The following PHYKPL variants were observed in gnomAD, a reference collection of about 807,000 sequenced individuals.
PHYKPL encodes the protein 5-phosphonooxy-L-lysine phospho-lyase.
Under a neutral mutation model 51.3 loss-of-function variants are expected in PHYKPL, and 42 were observed. The ratio of observed to expected loss-of-function variants is 0.82; its 90% CI spans 0.64 to 1.06. PHYKPL has a LOEUF of 1.06. Ranked by LOEUF, PHYKPL falls within the 50% of genes least tolerant of loss-of-function variation. The pLI, the probability that PHYKPL is intolerant of heterozygous loss-of-function variation, is 0.00. For synonymous variants in PHYKPL, 264 were observed against 236.0 expected (o/e 1.12, Z -1.09); for missense variants, 655 against 586.6 (o/e 1.12, Z -1.20).
rs1403213202 is a variant in PHYKPL at position 178,211,917 on chromosome 5, T to G, written c.*4A>C. On this transcript the variant is annotated 3_prime_UTR_variant, in exon 12 of 13. Transcript: ENST00000308158. ...GGAGTACACTTAGGCAGAGCAGGGC[T>G]GGCTTAGGGCTGGAGCCTCAGCGTT... The G allele has an allele frequency of 6.2e-7, 1 of 1,614,166 alleles. No individual in the cohort carries two copies. The highest frequency in any genetic ancestry group is 2.2e-5 in the East Asian group (1 of 44,882).
intron 4 of PHYKPL, 164 bp from the exon 5 acceptor site, chr5:178,224,893 C>G (rs1022103107): frequency 3.3e-6 from 2 of 598,120 alleles, no homozygotes; most frequent in South Asian, 4.2e-5. Flanking sequence ...TTGGAGTCAG[C>G]AACAATTCTT....
chr5:178,225,786 C>G (rs10055967), intron 3 of PHYKPL: 45,357 of 279,802 alleles, frequency 0.16, 4,004 homozygotes, highest in Admixed American at 0.2. Context: ...CTCCCCACCA[C>G]CAGGCAAGCA....
In PHYKPL at chr5:178,231,444, C is replaced by T. The variant is rs149132993; in HGVS notation, c.139G>A (p.Gly47Arg). 6.2e-7 allele frequency: 1 copy of T among 1,614,210 alleles called. No individual in the cohort carries two copies. The highest frequency in any genetic ancestry group is 8.5e-7 in the Non-Finnish European group (1 of 1,180,032). Residue 47 changes from glycine (G) to arginine (R), a missense_variant, in exon 2 of 13, where the codon GGG becomes AGG. By Grantham distance (125) the Gly-to-Arg change is moderately radical. Transcript: ENST00000308158. ...CTGATGCAATCGATGTATTCTGCCC[C>T]CTGTTCATCGTACATGTACTGCCCT... ...AQGQYMYDEQ[G>R]AEYIDCISNV...
At chr5:178,225,304 A>G (rs772327626) in intron 4 of PHYKPL, 51 bp downstream of exon 4, 1 of 1,603,694 alleles carries the variant, frequency 6.2e-7, no homozygotes, top group East Asian at 2.2e-5. Flanking sequence ...GATCACCAAG[A>G]AGCCTGTGGG....
At position 178,222,440 on chromosome 5, in the gene PHYKPL, C is replaced by G; in HGVS notation, c.842G>C (p.Gly281Ala). 1 of 1,614,248 alleles carries G rather than the reference C, an allele frequency of 6.2e-7. No homozygotes were observed. The change falls in exon 8 of 13, where the codon GGC becomes GCC. Residue 281 changes from glycine (G) to alanine (A), a missense_variant. Coordinates refer to ENST00000308158, the MANE Select transcript of PHYKPL (RefSeq NM_153373.4). The part of the protein sequence containing the change: ...PDIVTMGKSI[G>A]NGHPVACVAA... ...CACGCAGGCAACAGGGTGGCCGTTG[C>G]CAATGGACTTGCCCATGGTGACGAT...
At chr5:178,209,495 G>A (rs1757511449) in intron 12 of PHYKPL, 1 of 1,529,124 alleles carries the variant, frequency 6.5e-7, no homozygotes, top group South Asian at 1.1e-5. Flanking sequence ...TGCCTACATG[G>A]AGCCTTCCAA....
chr5:178,220,687 T>A (rs1334382502), intron 8 of PHYKPL, among the ~76,000 whole-genome samples: 1 of 146,914 alleles, frequency 6.8e-6, no homozygotes, highest in African/African-American at 2.5e-5. Context: ...CAGAGACTTA[T>A]GAAAACTATT....
At chr5:178,230,937 T>TA in intron 2 of PHYKPL, 1 of 154,192 alleles carries the variant, frequency 6.5e-6, no homozygotes, top group Non-Finnish European at 1.4e-5. Context: ...TTTTTTTTTT[T>TA]AACCTCAACT....
intron 12 of PHYKPL, chr5:178,210,662 T>TTGTGTTCA: frequency 6.6e-7 from 1 of 1,504,386 alleles, no homozygotes; most frequent in Non-Finnish European, 9.3e-7. Context: ...CACACATGCT[T>TTGTGTTCA]TGTTTGGATA....
rs919918280 is a variant in PHYKPL, at chr5:178,231,571, G to A, written c.60-48C>T. ...GACAGCCATGTCTGAAGACCGAAAG[G>A]GTGAAGTCTACTCATCGCAGACCCC... On this transcript the variant is annotated intron_variant, in intron 1 of 12. Transcript: ENST00000308158. 3.1e-6 allele frequency: 5 copies of A among 1,613,638 alleles called. No homozygotes were observed. The African/African-American group carries it at 4.0e-5, about 13-fold the overall frequency.
chr5:178,228,507 C>G, intron 3 of PHYKPL: 1 of 702,334 alleles, frequency 1.4e-6, no homozygotes, highest in Non-Finnish European at 2.6e-6. Flanking sequence ...AGCACCAGCT[C>G]CCTTCTCTTT....
chr5:178,208,301 G>A (rs1295890431), downstream of PHYKPL, among the ~76,000 whole-genome samples: 3 of 152,168 alleles, frequency 2.0e-5, no homozygotes, highest in African/African-American at 7.2e-5. Flanking sequence ...TGGAAAGAGT[G>A]GATTAGGATA....
intron 1 of PHYKPL, 67 bp downstream of exon 1, chr5:178,232,424 GC>G (rs1763689377): frequency 7.3e-7 from 1 of 1,361,890 alleles, no homozygotes; most frequent in Admixed American, 3.9e-5. Context: ...GTGCGTGCGT[GC>G]GTCGTGCGTG....
At chr5:178,223,424 G>A in intron 6 of PHYKPL, 1 of 456,282 alleles carries the variant, frequency 2.2e-6, no homozygotes. Context: ...GGGTGATGAT[G>A]CCTCAACCCA....
At chr5:178,210,063 A>C in intron 12 of PHYKPL, 1 of 1,583,354 alleles carries the variant, frequency 6.3e-7, no homozygotes, top group South Asian at 1.2e-5. Context: ...AAAGGGCAGG[A>C]TTTCCTCCAT....
intron 8 of PHYKPL, among the ~76,000 whole-genome samples, chr5:178,221,437 C>T (rs904471578): frequency 3.3e-5 from 5 of 152,130 alleles, no homozygotes; most frequent in Admixed American, 6.5e-5. Context: ...TCATCCTCCA[C>T]GCTGTCATGA....
At chr5:178,218,931 A>C (rs1760527298) in intron 8 of PHYKPL, among the ~76,000 whole-genome samples, 1 of 152,178 alleles carries the variant, frequency 6.6e-6, no homozygotes, top group Non-Finnish European at 1.5e-5. Context: ...CCAACATTTT[A>C]CTCCTGAAAA....
chr5:178,209,676 G>T (rs1390580555), intron 12 of PHYKPL, among the ~76,000 whole-genome samples: 2 of 152,116 alleles, frequency 1.3e-5, no homozygotes, highest in South Asian at 2.1e-4. Context: ...GAGCATTTGT[G>T]TTACACTCTG....
At chr5:178,225,660 C>T (rs1428887533) in intron 3 of PHYKPL, 12 of 548,742 alleles carry the variant, frequency 2.2e-5, no homozygotes, top group East Asian at 2.1e-4. Flanking sequence ...TTTACATTCT[C>T]GTATGTGTCA....
Sources: gnomAD v4.1 joint callset for allele counts (sites outside exome capture counted in the v4.1 genomes callset) on GRCh38, gnomAD v4.1.1 for gene constraint, MANE v1.5 for transcripts, NCBI Gene and HGNC (gene_info 2026-07-23, HGNC 2026-07-21) for gene names.